The following C4orf36 variants were observed in gnomAD, a reference collection of about 807,000 sequenced individuals.
C4orf36 encodes the protein chromosome 4 open reading frame 36, also known as uncharacterized protein C4orf36.
A neutral mutation model predicts 12.2 loss-of-function variants in C4orf36; 11 were observed. The ratio of observed to expected loss-of-function variants is 0.90; its 90% CI spans 0.57 to 1.49. The LOEUF is 1.49. Among genes scored for constraint, C4orf36 ranks in the 40% most tolerant of loss-of-function variants. The pLI is 0.00. For synonymous variants in C4orf36, 54 were observed against 51.3 expected, an observed-to-expected ratio of 1.05 and a Z score of -0.22; for missense variants, 137 against 133.9, an observed-to-expected ratio of 1.02 and a Z score of -0.11.
intron 4 of C4orf36, among the ~76,000 whole-genome samples, chr4:86,879,022 G>A (rs1230360417): frequency 1.3e-5 from 2 of 152,212 alleles, no homozygotes; most frequent in Non-Finnish European, 2.9e-5. Context: ...CCTGCATGAA[G>A]CCAATGTCTA....
intron 4 of C4orf36, among the ~76,000 whole-genome samples, chr4:86,879,873 T>C (rs1248359093): frequency 2.0e-5 from 3 of 148,048 alleles, no homozygotes; most frequent in Non-Finnish European, 4.5e-5. Flanking sequence ...TTTTTTGAGA[T>C]AGGATCTTGC....
At chr4:86,889,347 G>A (rs866086117) in intron 2 of C4orf36, among the ~76,000 whole-genome samples, 1 of 97,076 alleles carries the variant, frequency 1.0e-5, no homozygotes, top group Non-Finnish European at 2.1e-5. Context: ...GCAAAACTCC[G>A]TCTCAAAAAA....
chr4:86,891,387 T>A, intron 2 of C4orf36, 69 bp downstream of exon 2: 1 of 1,463,718 alleles, frequency 6.8e-7, no homozygotes, highest in Admixed American at 1.7e-5. Context: ...CCAGTCCTTT[T>A]ATTTAACAAA....
the C4orf36 span, among the ~76,000 whole-genome samples, chr4:86,899,114 C>T: frequency 2.6e-5 from 4 of 152,182 alleles, no homozygotes; most frequent in East Asian, 3.9e-4. Flanking sequence ...GAACTTCTCT[C>T]GCTGAAGCAC....
chr4:86,896,962 C>A (rs912328352), upstream of C4orf36, among the ~76,000 whole-genome samples: 1 of 152,166 alleles, frequency 6.6e-6, no homozygotes, highest in Non-Finnish European at 1.5e-5. Context: ...CTACTCCATG[C>A]TAGCCATCAT....
the C4orf36 span, among the ~76,000 whole-genome samples, chr4:86,932,632 C>T: frequency 6.6e-6 from 1 of 151,708 alleles, no homozygotes; most frequent in Non-Finnish European, 1.5e-5. Flanking sequence ...CTATGAGTCC[C>T]AGGGGTTTAA....
chr4:86,923,777 A>T, the C4orf36 span, among the ~76,000 whole-genome samples: 1 of 152,180 alleles, frequency 6.6e-6, no homozygotes, highest in South Asian at 2.1e-4. Context: ...AAAAAAAAAA[A>T]AAAAAATTCC....
intron 4 of C4orf36, among the ~76,000 whole-genome samples, chr4:86,884,387 G>A (rs1436970976): frequency 1.4e-4 from 20 of 148,068 alleles, no homozygotes; most frequent in South Asian, 2.1e-4. Context: ...TCAATGCAGC[G>A]TCAAACTACT....
At chr4:86,896,354 G>A (rs751343857), upstream of C4orf36, among the ~76,000 whole-genome samples, 2 of 151,980 alleles carry the variant, frequency 1.3e-5, no homozygotes, top group South Asian at 2.1e-4. Context: ...TATGTGTATC[G>A]TCATTCTCAT....
Position 86,890,107 on chromosome 4 carries a change from A to G in C4orf36, c.65+1349T>C, listed in dbSNP as rs1399469165. Reference sequence around the variant, plus strand: ...CTCAGGAGGCTGAGATGGGAGGATCACTCAAGCCCAGGAGGTGCACAACAT... The same window carrying G: ...CTCAGGAGGCTGAGATGGGAGGATCGCTCAAGCCCAGGAGGTGCACAACAT... On this transcript the variant is annotated intron_variant, in intron 2 of 4. Coordinates refer to ENST00000295898, the MANE Select transcript of C4orf36 (RefSeq NM_144645.4). The G allele has an allele frequency of 1.3e-5, 6 of 452,036 alleles. No individual in the cohort carries two copies. In the East Asian group the frequency reaches 4.2e-4, roughly 32 times the overall value. 28.0% of individuals were successfully genotyped at this position (452,036 alleles called of 1,614,324 possible). A position where few individuals can be genotyped will look rare whatever the true frequency, so the allele number is the denominator to read the frequency against.
rs1560474387 is a variant in C4orf36 at position 86,891,445 on chromosome 4, AT to A, written c.65+10del. Reference sequence around the variant, plus strand: ...GCTTACCCTGATTTAAAAAAAAAAAATAGTACTTACACATTATAACAACTGC... The same window carrying A: ...GCTTACCCTGATTTAAAAAAAAAAAAAGTACTTACACATTATAACAACTGC... On this transcript the variant is annotated intron_variant, in intron 2 of 4. Coordinates refer to ENST00000295898, the MANE Select transcript of C4orf36 (RefSeq NM_144645.4). The A allele has an allele frequency of 6.3e-6, 10 of 1,596,956 alleles. No individual in the cohort carries two copies. The highest frequency in any genetic ancestry group is 2.2e-5 in the South Asian group (2 of 89,216).
the C4orf36 span, among the ~76,000 whole-genome samples, chr4:86,930,117 G>A: frequency 1.7e-4 from 26 of 152,276 alleles, no homozygotes; most frequent in Middle Eastern, 6.8e-3. Flanking sequence ...CTGCTCCACC[G>A]GGGCACTGTT....
the C4orf36 span, among the ~76,000 whole-genome samples, chr4:86,922,351 T>C: frequency 6.6e-6 from 1 of 152,138 alleles, no homozygotes; most frequent in Non-Finnish European, 1.5e-5. Flanking sequence ...ATCATACATA[T>C]AGAGCATGAA....
chr4:86,890,432 CAT>C (rs1747361922), intron 2 of C4orf36, among the ~76,000 whole-genome samples: 1 of 151,736 alleles, frequency 6.6e-6, no homozygotes, highest in Admixed American at 6.6e-5. Context: ...TGTGTGTATA[CAT>C]GTGTGTATGT....
the C4orf36 span, among the ~76,000 whole-genome samples, chr4:86,922,250 A>T: frequency 6.6e-6 from 1 of 152,240 alleles, no homozygotes; most frequent in Non-Finnish European, 1.5e-5. Flanking sequence ...CATTGTTATT[A>T]GTTTTCTACA....
chr4:86,905,818 A>T, the C4orf36 span, among the ~76,000 whole-genome samples: 1 of 151,868 alleles, frequency 6.6e-6, no homozygotes, highest in Non-Finnish European at 1.5e-5. Context: ...CCAAGGTTCA[A>T]GCAATTCTGC....
At chr4:86,902,418 C>CAAAAAAAAAAAAAAAAAAAAAAAAA in the C4orf36 span, among the ~76,000 whole-genome samples, 4 of 58,960 alleles carry the variant, frequency 6.8e-5, no homozygotes, top group African/African-American at 1.6e-4. Flanking sequence ...ATGAGACTCT[C>CAAAAAAAAAAAAAAAAAAAAAAAAA]AAAAAAAAAA....
intron 4 of C4orf36, among the ~76,000 whole-genome samples, chr4:86,881,078 T>C (rs911596971): frequency 6.6e-6 from 1 of 151,110 alleles, no homozygotes; most frequent in Non-Finnish European, 1.5e-5. Context: ...TAAAATTCTA[T>C]AGTATTGTAA....
chr4:86,881,532 C>T (rs954713376), intron 4 of C4orf36, among the ~76,000 whole-genome samples: 9 of 151,796 alleles, frequency 5.9e-5, no homozygotes, highest in East Asian at 3.9e-4. Flanking sequence ...AAAGTTGAAG[C>T]GAGTAATGAT....
Sources: allele counts gnomAD v4.1 joint callset (sites outside exome capture counted in the v4.1 genomes callset), GRCh38; gene constraint gnomAD v4.1.1; transcripts MANE v1.5; gene names NCBI Gene and HGNC (gene_info 2026-07-23, HGNC 2026-07-21).